Variants in HIKESHI observed in about 807,000 individuals in gnomAD.
HIKESHI encodes protein Hikeshi.
In HIKESHI, 13 loss-of-function variants were observed where a neutral mutation model predicts 25.7. That is an observed-to-expected ratio of 0.51 (90% confidence interval 0.33 to 0.80). HIKESHI has a LOEUF of 0.80. Ranked by LOEUF, HIKESHI falls within the 30% of genes least tolerant of loss-of-function variation. The probability of loss-of-function intolerance (pLI) is 0.02; values close to 1 mark genes in which losing one functional copy is unlikely to be tolerated. For missense variants in HIKESHI, 174 were observed against 229.5 expected, an observed-to-expected ratio of 0.76 and a Z score of 1.56; for synonymous variants, 76 against 78.7, an observed-to-expected ratio of 0.97 and a Z score of 0.18.
chr11:86,316,716 A>C (rs1236493956), intron 2 of HIKESHI, among the ~76,000 whole-genome samples: 2 of 148,726 alleles, frequency 1.3e-5, no homozygotes, highest in Non-Finnish European at 3.0e-5. Flanking sequence ...TTTTATTTAA[A>C]GGCAGCAAAC....
chr11:86,303,352 T>G (rs139953489), intron 1 of HIKESHI: 2 of 948,624 alleles, frequency 2.1e-6, no homozygotes, highest in African/African-American at 3.5e-5. Context: ...TCTGTACATA[T>G]ACAGTTCTAA....
At chr11:86,323,816 A>G (rs572331332) in intron 2 of HIKESHI, among the ~76,000 whole-genome samples, 15 of 152,182 alleles carry the variant, frequency 9.9e-5, no homozygotes, top group Non-Finnish European at 2.1e-4. Context: ...AGTTAATCCA[A>G]TTACTGTATC....
intron 2 of HIKESHI, among the ~76,000 whole-genome samples, chr11:86,323,041 C>T (rs903213622): frequency 6.6e-6 from 1 of 151,878 alleles, no homozygotes; most frequent in African/African-American, 2.4e-5. Context: ...CCAGCCTGGG[C>T]AACGTAGCAA....
chr11:86,337,605 G>A (rs1593868657), intron 3 of HIKESHI, 75 bp downstream of exon 3: 9 of 1,372,504 alleles, frequency 6.6e-6, no homozygotes, highest in East Asian at 5.0e-5. Flanking sequence ...AGTTAAAATC[G>A]TAACTTAGGG....
intron 1 of HIKESHI, 65 bp downstream of exon 1, chr11:86,302,543 G>C (rs953560431): frequency 6.6e-7 from 1 of 1,525,746 alleles, no homozygotes; most frequent in Non-Finnish European, 8.9e-7. Flanking sequence ...CCTACGGCAG[G>C]GAGGGTGCGC....
intron 4 of HIKESHI, 65 bp from the exon 5 acceptor site, chr11:86,345,519 G>T: frequency 1.1e-6 from 1 of 873,832 alleles, no homozygotes; most frequent in Non-Finnish European, 1.8e-6. Context: ...AAGTCATTTG[G>T]CAGTTAATGA....
At chr11:86,308,337 ATATAT>A (rs1946735317) in intron 2 of HIKESHI, among the ~76,000 whole-genome samples, 1 of 64,860 alleles carries the variant, frequency 1.5e-5, no homozygotes, top group African/African-American at 6.9e-5. Flanking sequence ...CATATAAAAT[ATATAT>A]TATATAAAAT....
intron 1 of HIKESHI, 116 bp downstream of exon 1, chr11:86,302,594 G>A: frequency 7.9e-7 from 1 of 1,259,552 alleles, no homozygotes; most frequent in African/African-American, 1.5e-5. Flanking sequence ...TTATATTTTG[G>A]GTGGGTATGT....
chr11:86,338,266 T>C (rs1947623338), intron 3 of HIKESHI, among the ~76,000 whole-genome samples: 1 of 152,210 alleles, frequency 6.6e-6, no homozygotes, highest in African/African-American at 2.4e-5. Context: ...ATAAGTGAGA[T>C]CAATCATGCT....
chr11:86,306,680 A>G (rs2138285564), intron 2 of HIKESHI, among the ~76,000 whole-genome samples, 198 bp downstream of exon 2: 1 of 152,126 alleles, frequency 6.6e-6, no homozygotes, highest in East Asian at 1.9e-4. Flanking sequence ...CTTGTTGTTC[A>G]TTTTGTGTAG....
intron 2 of HIKESHI, among the ~76,000 whole-genome samples, chr11:86,317,299 G>C (rs953428836): frequency 1.1e-4 from 17 of 151,990 alleles, no homozygotes; most frequent in Non-Finnish European, 1.5e-5. Context: ...CTCCAGCCTG[G>C]GCAACAGAGC....
chr11:86,329,574 C>CTCT (rs1565736298), intron 2 of HIKESHI, among the ~76,000 whole-genome samples: 1 of 143,874 alleles, frequency 7.0e-6, no homozygotes, highest in Non-Finnish European at 1.5e-5. Flanking sequence ...CCTGTGATTT[C>CTCT]TTTTTTTTTT....
At chr11:86,321,812 G>A (rs1376547356) in intron 2 of HIKESHI, among the ~76,000 whole-genome samples, 1 of 152,122 alleles carries the variant, frequency 6.6e-6, no homozygotes, top group Non-Finnish European at 1.5e-5. Flanking sequence ...TTACAGACGC[G>A]AGTCTCCACG....
At chr11:86,337,299 G>A (rs1247341495) in intron 2 of HIKESHI, 80 bp from the exon 3 acceptor site, 4 of 1,343,318 alleles carry the variant, frequency 3.0e-6, no homozygotes, top group Non-Finnish European at 4.1e-6. Flanking sequence ...ATAAATTAGA[G>A]GTTCTTTATA....
At chr11:86,331,982 C>CTTTTT (rs796831448) in intron 2 of HIKESHI, among the ~76,000 whole-genome samples, 5 of 129,544 alleles carry the variant, frequency 3.9e-5, no homozygotes, top group African/African-American at 1.1e-4. Context: ...GTTTTCTTTT[C>CTTTTT]TTTTTTTTTT....
chr11:86,336,079 T>C (rs2138402345), intron 2 of HIKESHI, among the ~76,000 whole-genome samples: 1 of 152,318 alleles, frequency 6.6e-6, no homozygotes, highest in East Asian at 1.9e-4. Context: ...ACAGAGTTTA[T>C]AGCTGAAAAG....
intron 2 of HIKESHI, among the ~76,000 whole-genome samples, chr11:86,310,229 T>A (rs291206): frequency 6.9e-6 from 1 of 144,792 alleles, no homozygotes; most frequent in Admixed American, 7.1e-5. Context: ...GTTTGTATCC[T>A]CTTTTATTTT....
intron 1 of HIKESHI, among the ~76,000 whole-genome samples, chr11:86,303,124 G>GT (rs1946538191): frequency 6.6e-6 from 1 of 152,180 alleles, no homozygotes; most frequent in Non-Finnish European, 1.5e-5. Context: ...TTGCCAAATT[G>GT]TTAGAGTAAA....
At chr11:86,327,402 C>T (rs979123192) in intron 2 of HIKESHI, among the ~76,000 whole-genome samples, 4 of 152,036 alleles carry the variant, frequency 2.6e-5, no homozygotes, top group African/African-American at 9.7e-5. Flanking sequence ...GCCAGCTCCG[C>T]CTCCCGGGTT....
Sources: allele counts gnomAD v4.1 joint callset (sites outside exome capture counted in the v4.1 genomes callset), GRCh38; gene constraint gnomAD v4.1.1; transcripts MANE v1.5; gene names NCBI Gene and HGNC (gene_info 2026-07-23, HGNC 2026-07-21).